RACK1: variants seen among roughly 807,000 people sequenced by gnomAD.
RACK1 encodes the protein receptor for activated C kinase 1, also known as small ribosomal subunit protein RACK1.
Under a neutral mutation model 42.2 loss-of-function variants are expected in RACK1, and 3 were observed. The ratio of observed to expected loss-of-function variants is 0.07; its 90% CI spans 0.03 to 0.18. RACK1 has a LOEUF of 0.18. Ranked by LOEUF, RACK1 falls within the 10% of genes least tolerant of loss-of-function variation. RACK1 has a pLI of 1.00. For synonymous variants in RACK1, 181 were observed against 154.8 expected (o/e 1.17, Z -1.25); for missense variants, 146 against 403.2 (o/e 0.36, Z 5.46).
chr5:181,239,192 G>T lies in RACK1; in HGVS notation c.526-15C>A. On this transcript the variant is annotated splice_polypyrimidine_tract_variant and intron_variant, in intron 4 of 7. Coordinates refer to ENST00000512805, the MANE Select transcript of RACK1 (RefSeq NM_006098.5). ...AGGTTCCATACCTGCATAGACGTGC[G>T]GTTGACAGGTGAACATCCTAGCTCT... 1 of 1,536,542 alleles carries T rather than the reference G, an allele frequency of 6.5e-7. No individual in the cohort carries two copies. The highest frequency in any genetic ancestry group is 9.0e-7 in the Non-Finnish European group (1 of 1,109,294).
Position 181,243,833 on chromosome 5 carries a change from C to T in RACK1, c.-33G>A, listed in dbSNP as rs1284164152. ...GCGAGAGCGTGTGTCGCTGCAGCGA[C>T]GAGGATGGCACTGGATGGCTTAGAG... On this transcript the variant is annotated 5_prime_UTR_variant, in exon 1 of 8. Transcript: ENST00000512805. 5 of 1,577,208 alleles carry T rather than the reference C, an allele frequency of 3.2e-6. No homozygotes were observed. Among genetic ancestry groups the T allele is most frequent in the Non-Finnish European group, 3.4e-6 (4 of 1,161,442 alleles).
At chr5:181,242,048 T>C (rs1253220966) in intron 2 of RACK1, 126 bp downstream of exon 2, 2 of 856,544 alleles carry the variant, frequency 2.3e-6, no homozygotes, top group Non-Finnish European at 3.9e-6. Flanking sequence ...ACATCTTCTG[T>C]AGGTGTGCTC....
Position 181,239,172 on chromosome 5 carries a change from C to A in RACK1, c.531G>T (p.Trp177Cys). Residue 177 changes from tryptophan to cysteine, a missense_variant, in exon 5 of 8, where the codon TGG becomes TGT. Transcript: ENST00000512805. ...SCGWDKLVKV[W>C]NLANCKLKTN... ...TCTTCAGCTTGCAGTTAGCCAGGTT[C>A]CATACCTGCATAGACGTGCGGTTGA... The A allele has an allele frequency of 6.2e-7, 1 of 1,604,924 alleles. No individual in the cohort carries two copies. Among genetic ancestry groups the A allele is most frequent in the Non-Finnish European group, 8.5e-7 (1 of 1,171,670 alleles).
At chr5:181,239,616 G>T in intron 3 of RACK1, 34 bp from the exon 4 acceptor site, 3 of 1,407,322 alleles carry the variant, frequency 2.1e-6, no homozygotes, top group African/African-American at 1.4e-5. Context: ...AGGGCAAACA[G>T]TCCTATCCCA....
chr5:181,241,161 G>T (rs1454769193), intron 3 of RACK1: 1 of 195,514 alleles, frequency 5.1e-6, no homozygotes, highest in African/African-American at 2.4e-5. Context: ...GCAGGTGGGG[G>T]CTCACGCCTG....
intron 1 of RACK1, chr5:181,243,372 A>C (rs1582301039): frequency 7.1e-7 from 1 of 1,400,944 alleles, no homozygotes; most frequent in Non-Finnish European, 9.5e-7. Context: ...TGGGGTCATC[A>C]CCGCCCCGCC....
At chr5:181,241,698 A>G (rs1759351582) in intron 2 of RACK1, 59 bp from the exon 3 acceptor site, 1 of 1,568,268 alleles carries the variant, frequency 6.4e-7, no homozygotes. Flanking sequence ...CAACGGTCAG[A>G]CTCATTTCCT....
At position 181,242,165 on chromosome 5, in the gene RACK1, G is replaced by A; in HGVS notation, c.281+9C>T. 6.2e-7 allele frequency: 1 copy of A among 1,608,638 alleles called. No homozygotes were observed. Among genetic ancestry groups the A allele is most frequent in the South Asian group, 1.1e-5 (1 of 90,520 alleles). On this transcript the variant is annotated intron_variant, in intron 2 of 7. Coordinates refer to ENST00000512805, the MANE Select transcript of RACK1 (RefSeq NM_006098.5). ...CCAAGGCCCCAGAGCTAAGTGAGCA[G>A]CTACTTGCGTTGTGAGATCCCAGAG...
At chr5:181,243,565 G>T (rs955190780) in intron 1 of RACK1, 127 bp downstream of exon 1, 3 of 1,414,212 alleles carry the variant, frequency 2.1e-6, no homozygotes, top group African/African-American at 2.8e-5. Context: ...ATGGGGCAGA[G>T]AAGTCTGTCA....
intron 3 of RACK1, chr5:181,240,280 G>C: frequency 6.3e-6 from 1 of 159,304 alleles, no homozygotes; most frequent in Non-Finnish European, 1.4e-5. Context: ...GCGTGAACCC[G>C]GGAAGCAGAG....
At position 181,242,393 on chromosome 5, in the gene RACK1, G is replaced by A. The variant is rs761914837; in HGVS notation, c.110-48C>T. 1.8e-5 allele frequency: 23 copies of A among 1,299,744 alleles called. 1 individual carries two copies. The highest frequency in any genetic ancestry group is 3.7e-4 in the Middle Eastern group (2 of 5,422). The allele number at this position is 1,299,744 out of a possible 1,614,324, so 80.5% of individuals were successfully genotyped here. ...AAAATCAGTGAGGAACCCGCAGCCC[G>A]TTTAACACACTGGATAATTCACTAA... On this transcript the variant is annotated intron_variant, in intron 1 of 7. Transcript: ENST00000512805.
intron 3 of RACK1, 136 bp from the exon 4 acceptor site, chr5:181,239,718 A>G (rs1484960613): frequency 1.7e-6 from 1 of 597,242 alleles, no homozygotes; most frequent in Non-Finnish European, 3.0e-6. Context: ...TAAGCTCAAT[A>G]GAATCCCTTT....
chr5:181,237,936 A>T (rs1414009659), intron 6 of RACK1, 163 bp downstream of exon 6: 3 of 713,780 alleles, frequency 4.2e-6, no homozygotes, highest in Non-Finnish European at 7.2e-6. Flanking sequence ...TGGAATGTAC[A>T]GGACTGCACA....
Position 181,243,853 on chromosome 5 carries a change from T to G in RACK1, c.-53A>C. ...AGCGACGAGGATGGCACTGGATGGC[T>G]TAGAGAAACTAGCACCACAACCTCT... On this transcript the variant is annotated 5_prime_UTR_variant, in exon 1 of 8. Coordinates refer to ENST00000512805, the MANE Select transcript of RACK1 (RefSeq NM_006098.5). The G allele has an allele frequency of 6.5e-7, 1 of 1,543,730 alleles. No individual in the cohort carries two copies. The highest frequency in any genetic ancestry group is 8.8e-7 in the Non-Finnish European group (1 of 1,142,754).
In RACK1 at chr5:181,239,458, T is replaced by TA. The variant is rs748964248; in HGVS notation, c.525+28dup. 6 of 1,534,480 alleles carry TA rather than the reference T, an allele frequency of 3.9e-6. No homozygotes were observed. The East Asian group carries it at 1.3e-4, about 34-fold the overall frequency. ...CCACCTGGGAGCACACCCTGACTGG[T>TA]AAAGCCCCTGCCTTGGCTTGACGCT... On this transcript the variant is annotated intron_variant, in intron 4 of 7. Coordinates refer to ENST00000512805, the MANE Select transcript of RACK1 (RefSeq NM_006098.5).
Position 181,241,426 on chromosome 5 carries a change from C to CAAAAAAAAAAAAAAAAAAAAAAAA in RACK1, c.429+65_429+66insTTTTTTTTTTTTTTTTTTTTTTTT, listed in dbSNP as rs57063983. 3.5e-5 allele frequency: 38 copies of CAAAAAAAAAAAAAAAAAAAAAAAA among 1,074,524 alleles called. 1 individual carries two copies. In the African/African-American group the frequency reaches 4.2e-4, roughly 12 times the overall value. The allele number at this position is 1,074,524 out of a possible 1,614,324, so 66.6% of individuals were successfully genotyped here. On this transcript the variant is annotated intron_variant, in intron 3 of 7. Coordinates refer to ENST00000512805, the MANE Select transcript of RACK1 (RefSeq NM_006098.5). ...GCTTGGGCAAGAGTGAGACTGTCGC[C>CAAAAAAAAAAAAAAAAAAAAAAAA]AAAAAAAAAAAAAAAAAGCAAAGTT...
Position 181,239,470 on chromosome 5 carries a change from C to T in RACK1, c.525+17G>A, listed in dbSNP as rs887399635. 1.3e-6 allele frequency: 2 copies of T among 1,589,608 alleles called. No homozygotes were observed. Among genetic ancestry groups the T allele is most frequent in the African/African-American group, 2.7e-5 (2 of 74,536 alleles). The stretch of plus-strand genomic sequence containing the variant: ...ACACCCTGACTGGTAAAGCCCCTGC[C>T]TTGGCTTGACGCTCACCTTGACCAG... On this transcript the variant is annotated intron_variant, in intron 4 of 7. Transcript: ENST00000512805.
intron 1 of RACK1, chr5:181,242,887 A>G (rs1759404300): frequency 6.1e-6 from 2 of 329,538 alleles, no homozygotes; most frequent in Non-Finnish European, 1.2e-5. Context: ...TTTAGGTGCC[A>G]GAAATACAGA....
chr5:181,236,927 A>G lies in RACK1; in HGVS notation c.*50T>C. ...TGCATATAAGAAAAAAAAACCTAAA[A>G]GTCAGAAAAGCCAGTTTTTTTTTTA... On this transcript the variant is annotated 3_prime_UTR_variant, in exon 8 of 8. Transcript: ENST00000512805. The G allele has an allele frequency of 6.4e-7, 1 of 1,554,868 alleles. No homozygotes were observed. The highest frequency in any genetic ancestry group is 8.6e-7 in the Non-Finnish European group (1 of 1,159,038).
Sources: allele counts gnomAD v4.1 joint callset, GRCh38; gene constraint gnomAD v4.1.1; transcripts MANE v1.5; gene names NCBI Gene and HGNC (gene_info 2026-07-23, HGNC 2026-07-21).